Variants in MON2 observed in about 807,000 individuals in gnomAD.
MON2 encodes the protein protein MON2 homolog.
Under a neutral mutation model 208.6 loss-of-function variants are expected in MON2, and 84 were observed. That is an observed-to-expected ratio of 0.40 (90% CI 0.34 to 0.48). MON2 has a LOEUF of 0.48. Among genes scored for constraint, MON2 ranks in the 20% least tolerant of loss-of-function variants. The pLI, the probability that MON2 is intolerant of heterozygous loss-of-function variation, is 0.59. For missense variants in MON2, 1,611 were observed against 2,015.4 expected, an observed-to-expected ratio of 0.80 and a Z score of 3.84; for synonymous variants, 660 against 694.0, an observed-to-expected ratio of 0.95 and a Z score of 0.77.
At chr12:62,479,437 C>T (rs993457854) in intron 1 of MON2, among the ~76,000 whole-genome samples, 6 of 143,154 alleles carry the variant, frequency 4.2e-5, no homozygotes, top group African/African-American at 1.3e-4. Context: ...TATATCCCCC[C>T]CCCCCCCCAA....
intron 21 of MON2, chr12:62,545,806 A>G (rs1281723980): frequency 1.3e-5 from 2 of 152,206 alleles, no homozygotes; most frequent in Non-Finnish European, 2.9e-5. Context: ...TGAACAAGAC[A>G]GAAAAGATAT....
At chr12:62,492,362 CTTTT>C (rs67979134) in intron 2 of MON2, among the ~76,000 whole-genome samples, 1 of 110,274 alleles carries the variant, frequency 9.1e-6, no homozygotes, top group Non-Finnish European at 1.8e-5. Flanking sequence ...AGAGTTAGTT[CTTTT>C]TTTTTTTTTT....
intron 1 of MON2, among the ~76,000 whole-genome samples, chr12:62,474,757 C>T (rs2135959676): frequency 6.6e-6 from 1 of 152,300 alleles, no homozygotes; most frequent in Non-Finnish European, 1.5e-5. Flanking sequence ...CTGGTCTTTT[C>T]CTCAAAACGT....
chr12:62,545,539 T>A (rs1298031338), intron 21 of MON2: 5 of 152,190 alleles, frequency 3.3e-5, no homozygotes, highest in Admixed American at 2.0e-4. Flanking sequence ...GTTTCATGAC[T>A]GAGTAGGAAT....
chr12:62,497,234 C>T (rs1351519978), intron 4 of MON2, among the ~76,000 whole-genome samples: 1 of 150,414 alleles, frequency 6.6e-6, no homozygotes, highest in African/African-American at 2.5e-5. Flanking sequence ...TTAATGGGTG[C>T]AGCACACCAG....
intron 2 of MON2, among the ~76,000 whole-genome samples, chr12:62,491,928 T>C (rs1282733342): frequency 6.6e-6 from 1 of 152,240 alleles, no homozygotes; most frequent in African/African-American, 2.4e-5. Context: ...TGAAGCTTTA[T>C]GAGGAGCTTT....
In MON2 at chr12:62,594,443, G is replaced by A. The variant is rs556554141; in HGVS notation, c.*1694G>A. On this transcript the variant is annotated 3_prime_UTR_variant, in exon 35 of 35. Coordinates refer to ENST00000393630, the MANE Select transcript of MON2 (RefSeq NM_015026.3). The stretch of plus-strand genomic sequence containing the variant: ...TAAGGTAAAATATGGCATTTCATAA[G>A]TTCTGCTTTCAGCATTTTCCTTAAA... 1.3e-5 allele frequency: 2 copies of A among 152,190 alleles called. No homozygotes were observed. Among genetic ancestry groups the A allele is most frequent in the African/African-American group, 2.4e-5 (1 of 41,526 alleles). The allele number at this position is 152,190 out of a possible 1,614,324, so 9.4% of individuals were successfully genotyped here.
intron 29 of MON2, among the ~76,000 whole-genome samples, chr12:62,570,711 A>ATTTTCT (rs2074560973): frequency 1.7e-5 from 2 of 114,910 alleles, no homozygotes; most frequent in Non-Finnish European, 3.7e-5. Flanking sequence ...CTATGGCAGA[A>ATTTTCT]TTTTCTTTTT....
chr12:62,476,279 G>C (rs988345489), intron 1 of MON2, among the ~76,000 whole-genome samples: 4 of 152,060 alleles, frequency 2.6e-5, no homozygotes, highest in Non-Finnish European at 5.9e-5. Context: ...TCACCTAAAG[G>C]GTGTTCTAGA....
intron 1 of MON2, among the ~76,000 whole-genome samples, chr12:62,481,729 AC>A (rs2069456013): frequency 6.6e-6 from 1 of 152,118 alleles, no homozygotes; most frequent in Non-Finnish European, 1.5e-5. Context: ...TTAATTTGGG[AC>A]CTTTCCATTT....
chr12:62,535,065 A>G (rs776419697), intron 13 of MON2, 139 bp downstream of exon 13: 3 of 627,458 alleles, frequency 4.8e-6, no homozygotes, highest in Non-Finnish European at 8.0e-6. Flanking sequence ...TTTTTCCCTC[A>G]TCCCCCTTCC....
At chr12:62,572,655 C>T (rs970885591) in intron 30 of MON2, among the ~76,000 whole-genome samples, 1 of 152,066 alleles carries the variant, frequency 6.6e-6, no homozygotes, top group Non-Finnish European at 1.5e-5. Context: ...ACTGTGTTGC[C>T]TAGGTGTCTT....
chr12:62,580,486 G>A (rs1186330310), intron 32 of MON2, 66 bp downstream of exon 32: 1 of 1,385,560 alleles, frequency 7.2e-7, no homozygotes, highest in East Asian at 2.3e-5. Flanking sequence ...CAGTAGAAAT[G>A]TTTAATCCTA....
At chr12:62,539,559 G>A (rs1232271855) in intron 19 of MON2, among the ~76,000 whole-genome samples, 1 of 151,970 alleles carries the variant, frequency 6.6e-6, no homozygotes, top group African/African-American at 2.4e-5. Flanking sequence ...GAGCCACCGC[G>A]CCCGGCCATC....
At position 62,568,598 on chromosome 12, in the gene MON2, C is replaced by T. The variant is rs140628275; in HGVS notation, c.4323+2148C>T. ...AGGCAGTCCTCTAACCTCCTTCTCC[C>T]AAAGCACTAGGATTGTAGGTGTGAG... On this transcript the variant is annotated intron_variant, in intron 29 of 34. Coordinates refer to ENST00000393630, the MANE Select transcript of MON2 (RefSeq NM_015026.3). Among the ~76,000 whole-genome samples, 1,158 of 152,266 alleles carry T rather than the reference C, an allele frequency of 7.6e-3. 15 individuals are homozygous for T. The highest frequency in any genetic ancestry group is 0.027 in the Middle Eastern group (8 of 294).
At chr12:62,493,798 A>C in intron 2 of MON2, 117 bp from the exon 3 acceptor site, 1 of 720,820 alleles carries the variant, frequency 1.4e-6, no homozygotes, top group East Asian at 3.0e-5. Flanking sequence ...TTTGGTGTTT[A>C]TTTTACGTAA....
chr12:62,581,433 G>A (rs1424152279), intron 32 of MON2, among the ~76,000 whole-genome samples: 3 of 152,114 alleles, frequency 2.0e-5, no homozygotes, highest in Non-Finnish European at 4.4e-5. Flanking sequence ...ACACATGCCT[G>A]TAGTCCTAGA....
At chr12:62,529,064 G>A (rs1214586916) in intron 11 of MON2, among the ~76,000 whole-genome samples, 3 of 152,022 alleles carry the variant, frequency 2.0e-5, no homozygotes, top group Non-Finnish European at 2.9e-5. Flanking sequence ...GTGTTCATAA[G>A]TTCTTACCAT....
At chr12:62,493,474 A>C (rs967919937) in intron 2 of MON2, among the ~76,000 whole-genome samples, 16 of 152,192 alleles carry the variant, frequency 1.1e-4, no homozygotes, top group Non-Finnish European at 1.5e-5. Context: ...AATTCTAGGA[A>C]ATTTCTTAAT....
Sources: gnomAD v4.1 joint callset for allele counts (sites outside exome capture counted in the v4.1 genomes callset) on GRCh38, gnomAD v4.1.1 for gene constraint, MANE v1.5 for transcripts, NCBI Gene and HGNC (gene_info 2026-07-23, HGNC 2026-07-21) for gene names.